Variants in PDE3B observed in about 807,000 individuals in gnomAD.
PDE3B encodes the protein cGMP-inhibited 3',5'-cyclic phosphodiesterase 3B.
PDE3B carries 66 observed loss-of-function variants against 116.8 expected under a neutral mutation model. The observed-to-expected ratio is 0.56, with a 90% CI of 0.46 to 0.69. PDE3B has a LOEUF of 0.69. PDE3B is among the 30% of genes least tolerant of loss of function. PDE3B has a pLI of 0.00. For synonymous variants in PDE3B, 595 were observed against 533.6 expected (o/e 1.12, Z -1.59); for missense variants, 1,384 against 1,368.1 (o/e 1.01, Z -0.18).
At chr11:14,807,521 A>G (rs1371831397) in intron 5 of PDE3B, among the ~76,000 whole-genome samples, 3 of 152,132 alleles carry the variant, frequency 2.0e-5, no homozygotes, top group Non-Finnish European at 2.9e-5. Context: ...GCTTATAAGG[A>G]GGTAAAATGG....
downstream of PDE3B, among the ~76,000 whole-genome samples, chr11:14,874,787 C>T (rs1292272566): frequency 6.6e-6 from 1 of 152,136 alleles, no homozygotes; most frequent in Non-Finnish European, 1.5e-5. Flanking sequence ...GAGTATAAAA[C>T]ATTTAGATAG....
chr11:14,894,142 T>A, the PDE3B span, among the ~76,000 whole-genome samples: 1 of 152,174 alleles, frequency 6.6e-6, no homozygotes, highest in Non-Finnish European at 1.5e-5. Flanking sequence ...TGTCACAGTA[T>A]CTGCAGCCAC....
chr11:14,712,584 C>G (rs927018424), intron 1 of PDE3B, among the ~76,000 whole-genome samples: 1 of 145,506 alleles, frequency 6.9e-6, no homozygotes, highest in African/African-American at 2.5e-5. Context: ...AAGTGATTCT[C>G]CTGCCTCAGC....
intron 1 of PDE3B, among the ~76,000 whole-genome samples, chr11:14,767,800 GA>G (rs1375801571): frequency 2.0e-5 from 3 of 151,130 alleles, no homozygotes; most frequent in Non-Finnish European, 4.4e-5. Context: ...GGACAATGAG[GA>G]ACAACTAGTG....
At chr11:14,648,735 A>C (rs773033069) in intron 1 of PDE3B, among the ~76,000 whole-genome samples, 3 of 152,042 alleles carry the variant, frequency 2.0e-5, no homozygotes, top group Non-Finnish European at 2.9e-5. Flanking sequence ...AGTCCTTCAT[A>C]ATCTGCACTC....
At chr11:14,707,445 G>C (rs560803932) in intron 1 of PDE3B, among the ~76,000 whole-genome samples, 2 of 152,138 alleles carry the variant, frequency 1.3e-5, no homozygotes, top group East Asian at 3.9e-4. Flanking sequence ...TACTGAGTCT[G>C]TGAAGCTTGA....
the PDE3B span, chr11:14,890,672 G>A: frequency 4.3e-6 from 1 of 231,604 alleles, no homozygotes; most frequent in Non-Finnish European, 6.8e-6. Flanking sequence ...TCAGCCTCCC[G>A]AATAGCTGGG....
intron 1 of PDE3B, among the ~76,000 whole-genome samples, chr11:14,706,155 C>T (rs1212188330): frequency 1.3e-5 from 2 of 151,668 alleles, no homozygotes; most frequent in South Asian, 4.1e-4. Context: ...CCCTCCTTCA[C>T]TCCCTTCTCT....
intron 11 of PDE3B, among the ~76,000 whole-genome samples, chr11:14,837,883 A>G (rs1033218978): frequency 6.6e-6 from 1 of 152,244 alleles, no homozygotes; most frequent in Non-Finnish European, 1.5e-5. Context: ...CTAATGGAAA[A>G]TAAATGACAA....
chr11:14,718,745 C>G (rs1247049361), intron 1 of PDE3B, among the ~76,000 whole-genome samples: 2 of 148,746 alleles, frequency 1.3e-5, no homozygotes, highest in Non-Finnish European at 3.0e-5. Flanking sequence ...CACAACATAC[C>G]AGAATCTCTG....
chr11:14,842,283 C>T (rs1192796663), intron 11 of PDE3B, among the ~76,000 whole-genome samples: 2 of 152,108 alleles, frequency 1.3e-5, no homozygotes, highest in African/African-American at 2.4e-5. Context: ...ATTGCCCTTG[C>T]CAACTGTGTT....
intron 1 of PDE3B, among the ~76,000 whole-genome samples, chr11:14,665,122 T>C (rs1854087040): frequency 6.6e-6 from 1 of 152,210 alleles, no homozygotes; most frequent in Admixed American, 6.5e-5. Context: ...TATCCGCAAA[T>C]CAATAAATGT....
intron 5 of PDE3B, among the ~76,000 whole-genome samples, chr11:14,811,627 C>G (rs957113357): frequency 3.9e-5 from 6 of 152,002 alleles, no homozygotes; most frequent in Admixed American, 2.6e-4. Context: ...GATGTGGGCT[C>G]TTTTTTGGTT....
At position 14,801,309 on chromosome 11, in the gene PDE3B, T is replaced by A. The variant is rs570141321; in HGVS notation, c.1416-2635T>A. Among the ~76,000 whole-genome samples the A allele has an allele frequency of 3.9e-5, 6 of 152,342 alleles. No homozygotes were observed. The South Asian group carries it at 1.2e-3, about 32-fold the overall frequency. ...GGATTTATCTACCTTTGGTCTTTGATGTTTGTGACCTTCAGATGGGGTCTT... is the reference window on the plus strand; with the variant it reads ...GGATTTATCTACCTTTGGTCTTTGAAGTTTGTGACCTTCAGATGGGGTCTT... On this transcript the variant is annotated intron_variant, in intron 4 of 15. Transcript: ENST00000282096.
At chr11:14,744,987 G>GT (rs1004144853) in intron 1 of PDE3B, among the ~76,000 whole-genome samples, 22 of 151,864 alleles carry the variant, frequency 1.4e-4, no homozygotes, top group Admixed American at 1.0e-3. Context: ...TAGCTTTTTT[G>GT]TTTTTTTGTT....
chr11:14,764,724 G>A (rs928468720), intron 1 of PDE3B, among the ~76,000 whole-genome samples: 1 of 151,842 alleles, frequency 6.6e-6, no homozygotes, highest in Non-Finnish European at 1.5e-5. Context: ...AGATGAAAAG[G>A]GACAGTGTAT....
At chr11:14,749,918 C>CTATA in intron 1 of PDE3B, among the ~76,000 whole-genome samples, 1 of 47,534 alleles carries the variant, frequency 2.1e-5, no homozygotes, top group South Asian at 7.7e-4. Flanking sequence ...ATATATGTAT[C>CTATA]TTTGTGGAAG....
intron 1 of PDE3B, among the ~76,000 whole-genome samples, chr11:14,771,134 A>C (rs1387430211): frequency 1.3e-5 from 2 of 151,784 alleles, no homozygotes; most frequent in Non-Finnish European, 3.0e-5. Context: ...AACTGGGCTC[A>C]TATTCAATAC....
At chr11:14,859,500 A>T (rs1417252850) in intron 13 of PDE3B, among the ~76,000 whole-genome samples, 5 of 152,168 alleles carry the variant, frequency 3.3e-5, no homozygotes, top group African/African-American at 1.2e-4. Context: ...TTTATTTCAC[A>T]TATTTTTCAC....
Sources: allele counts gnomAD v4.1 joint callset (sites outside exome capture counted in the v4.1 genomes callset), GRCh38; gene constraint gnomAD v4.1.1; transcripts MANE v1.5; gene names NCBI Gene and HGNC (gene_info 2026-07-23, HGNC 2026-07-21).